The following GRAMD1A variants were observed in gnomAD, a reference collection of about 807,000 sequenced individuals.
The protein encoded by GRAMD1A is protein Aster-A.
In GRAMD1A, 50 loss-of-function variants were observed where a neutral mutation model predicts 92.0. The ratio of observed to expected loss-of-function variants is 0.54; its 90% CI spans 0.43 to 0.69. GRAMD1A has a LOEUF of 0.69. Ranked by LOEUF, GRAMD1A falls within the 30% of genes least tolerant of loss-of-function variation. GRAMD1A has a pLI of 0.00. For synonymous variants in GRAMD1A, 405 were observed against 403.6 expected (o/e 1.00, Z -0.04); for missense variants, 819 against 978.9 (o/e 0.84, Z 2.18).
At position 35,023,269 on chromosome 19, in the gene GRAMD1A, C is replaced by G. The variant is rs376474006; in HGVS notation, c.1887C>G (p.Leu629=). The stretch of plus-strand genomic sequence containing the variant: ...TCCTCATCGCCCTCAACGTCCTGCT[C>G]TTCTACCGCCTCTGGTCCCTGGAAA... ...LIILIALNVL[L]FYRLWSLERT... is the part of the protein sequence containing the mutation. The change falls in exon 18 of 20, where the codon CTC becomes CTG. Residue 629 remains leucine, a synonymous_variant. Coordinates refer to ENST00000317991, the MANE Select transcript of GRAMD1A (RefSeq NM_020895.5). 4 of 1,614,046 alleles carry G rather than the reference C, an allele frequency of 2.5e-6. No homozygotes were observed. In the African/African-American group the frequency reaches 5.3e-5, roughly 22 times the overall value.
rs1047900102 is a variant in GRAMD1A at position 35,014,458 on chromosome 19, A to G, written c.1069+71A>G. The stretch of plus-strand genomic sequence containing the variant: ...CTCGCTCAGTCTTAAGCAAGAGGGG[A>G]TGGATTCGCCCGCAGCACTGAGAAT... On this transcript the variant is annotated intron_variant, in intron 10 of 19. Coordinates refer to ENST00000317991, the MANE Select transcript of GRAMD1A (RefSeq NM_020895.5). 1.5e-5 allele frequency: 20 copies of G among 1,347,970 alleles called. 1 individual carries two copies. The highest frequency in any genetic ancestry group is 1.9e-4 in the Middle Eastern group (1 of 5,362). 83.5% of individuals were successfully genotyped at this position (1,347,970 alleles called of 1,614,324 possible).
intron 13 of GRAMD1A, among the ~76,000 whole-genome samples, chr19:35,019,874 G>A (rs1250316788): frequency 6.6e-6 from 1 of 152,172 alleles, no homozygotes; most frequent in East Asian, 1.9e-4. Flanking sequence ...TAGGCCTATG[G>A]AGAAAAATGA....
upstream of GRAMD1A, chr19:34,996,221 G>A (rs67018685): frequency 0.19 from 293,783 of 1,535,164 alleles, 29,482 homozygotes; most frequent in Middle Eastern, 0.28. Context: ...GGAGTCCCCC[G>A]CCTGCACCCC....
In GRAMD1A at chr19:35,021,994, C is replaced by A. The variant is rs372673758; in HGVS notation, c.1797C>A (p.Gly599=). Residue 599 remains glycine (G), a synonymous_variant, in exon 16 of 20, where the codon GGC becomes GGA. Transcript: ENST00000317991. This position sits in a 1 kb window ranked among gnomAD's most constrained non-coding sequence, Gnocchi z 5.3. The stretch of plus-strand genomic sequence containing the variant: ...TCTCCGAACCATCTGTGGACCAGGG[C>A]CCCGGGGCAGGCATCCCCAGTGCCC... ...SRFSEPSVDQ[G]PGAGIPSALV... The A allele has an allele frequency of 1.9e-6, 3 of 1,614,058 alleles. No homozygotes were observed. The highest frequency in any genetic ancestry group is 1.7e-6 in the Non-Finnish European group (2 of 1,179,942).
chr19:35,005,552 T>C (rs566081772), intron 1 of GRAMD1A, among the ~76,000 whole-genome samples: 8 of 151,918 alleles, frequency 5.3e-5, no homozygotes, highest in African/African-American at 1.9e-4. Flanking sequence ...CCACTACAGG[T>C]ATGGGCAGGG....
chr19:35,020,956 C>T (rs761606038), intron 13 of GRAMD1A, among the ~76,000 whole-genome samples: 2 of 152,166 alleles, frequency 1.3e-5, no homozygotes, highest in Non-Finnish European at 1.5e-5. Flanking sequence ...AGAGATTTTG[C>T]AGGTTTAGCT....
Position 35,013,679 on chromosome 19 carries a change from C to T in GRAMD1A, c.858C>T (p.Asp286=), listed in dbSNP as rs149214732. Residue 286 remains aspartate, a synonymous_variant, in exon 9 of 20, where the codon GAC becomes GAT. Coordinates refer to ENST00000317991, the MANE Select transcript of GRAMD1A (RefSeq NM_020895.5). This position sits in a 1 kb window ranked among gnomAD's most constrained non-coding sequence, Gnocchi z 4.9. The part of the protein sequence containing the change: ...VTPNLSRASS[D]ADHGAEEDKE... ...CCAACCTTTCCCGAGCCAGCAGCGA[C>T]GCAGACCATGGGGTGAGCGGTGGGT... The T allele has an allele frequency of 5.1e-4, 822 of 1,610,474 alleles. 11 individuals are homozygous for T. In the African/African-American group the frequency reaches 9.2e-3, roughly 18 times the overall value.
upstream of GRAMD1A, among the ~76,000 whole-genome samples, chr19:34,995,577 T>TTTTTTTTG (rs1568309941): frequency 1.7e-5 from 2 of 118,904 alleles, no homozygotes; most frequent in Non-Finnish European, 3.4e-5. Flanking sequence ...ACGGGTTTTT[T>TTTTTTTTG]TTTTTTTTTT....
rs144646957 is a variant in GRAMD1A at position 35,016,529 on chromosome 19, G to A, written c.1213+562G>A. Among the ~76,000 whole-genome samples the A allele has an allele frequency of 6.2e-3, 911 of 146,566 alleles. 11 individuals are homozygous for A. The highest frequency in any genetic ancestry group is 0.022 in the African/African-American group (860 of 39,454). On this transcript the variant is annotated intron_variant, in intron 11 of 19. Transcript: ENST00000317991. ...GGAGAATTGCTTGAACCTCGGAGGCGGAGGTTGCAGTGAGCTGAGATCACA... is the reference window on the plus strand; with the variant it reads ...GGAGAATTGCTTGAACCTCGGAGGCAGAGGTTGCAGTGAGCTGAGATCACA...
upstream of GRAMD1A, chr19:34,999,935 C>T: frequency 2.1e-6 from 2 of 966,724 alleles, no homozygotes; most frequent in South Asian, 9.5e-5. Context: ...ACATACACCT[C>T]GGTTTCCCAG....
At chr19:35,023,387 GGGGAGGCCAAGGC>G (rs1350554175) in intron 18 of GRAMD1A, 27 bp from the exon 19 acceptor site, 4 of 1,613,300 alleles carry the variant, frequency 2.5e-6, no homozygotes, top group Non-Finnish European at 3.4e-6. Context: ...GGGCACATCG[GGGGAGGCCAAGGC>G]CCTGCTCAGG....
chr19:34,997,942 C>A (rs549682245), upstream of GRAMD1A, among the ~76,000 whole-genome samples: 1 of 151,944 alleles, frequency 6.6e-6, no homozygotes, highest in Non-Finnish European at 1.5e-5. Flanking sequence ...GTGGCGCATG[C>A]CTGTAATCCC....
chr19:35,015,551 A>C, intron 10 of GRAMD1A: 1 of 369,750 alleles, frequency 2.7e-6, no homozygotes. Flanking sequence ...GAGGCGTGCT[A>C]TCTGGTAATG....
rs2015136521 is a variant in GRAMD1A, at chr19:35,010,322, G to A, written c.468G>A (p.Lys156=). 3 of 1,613,880 alleles carry A rather than the reference G, an allele frequency of 1.9e-6. No homozygotes were observed. Among genetic ancestry groups the A allele is most frequent in the Non-Finnish European group, 2.5e-6 (3 of 1,179,822 alleles). ...IQLKEVTCLK[K]EKTAKLIPNA... ...TGAAGGAAGTGACATGTCTGAAGAA[G>A]GAAAAGACGGCCAAGCTGATCCCCA... is the stretch of plus-strand genomic sequence containing the variant. The change falls in exon 6 of 20, where the codon AAG becomes AAA. Residue 156 remains lysine (K), a synonymous_variant. Coordinates refer to ENST00000317991, the MANE Select transcript of GRAMD1A (RefSeq NM_020895.5).
chr19:35,019,585 C>T (rs751778623), intron 13 of GRAMD1A, 52 bp downstream of exon 13: 1 of 1,555,886 alleles, frequency 6.4e-7, no homozygotes. Context: ...CCCAGGGCCT[C>T]CTGTCCACTC....
chr19:35,023,383 A>G (rs2016213767), intron 18 of GRAMD1A, 40 bp downstream of exon 18: 4 of 1,613,226 alleles, frequency 2.5e-6, no homozygotes, highest in Admixed American at 1.7e-5. Flanking sequence ...GCTTGGGCAC[A>G]TCGGGGGAGG....
upstream of GRAMD1A, chr19:35,000,251 C>T (rs953731287): frequency 5.1e-5 from 52 of 1,024,898 alleles, no homozygotes; most frequent in Non-Finnish European, 6.1e-5. The surrounding 1 kb of genome is among the most constrained non-coding windows in gnomAD (Gnocchi z 4.9). Flanking sequence ...CTGGGGGCGG[C>T]GCCGTGACGC....
chr19:35,005,602 C>T (rs2151704810), intron 1 of GRAMD1A, among the ~76,000 whole-genome samples: 1 of 152,198 alleles, frequency 6.6e-6, no homozygotes, highest in Non-Finnish European at 1.5e-5. Context: ...GCTGGGATGG[C>T]CCAGGGGAAA....
In GRAMD1A at chr19:35,010,288, C is replaced by G. The variant is rs1170181204; in HGVS notation, c.434C>G (p.Ser145Cys). The change falls in exon 6 of 20, where the codon TCC becomes TGC. Residue 145 changes from serine (S) to cysteine (C), a missense_variant. Physicochemically the swap from Ser to Cys is moderately radical, Grantham distance 112. Coordinates refer to ENST00000317991, the MANE Select transcript of GRAMD1A (RefSeq NM_020895.5). The part of the protein sequence containing the change: ...SNIFRWETTI[S>C]IQLKEVTCLK... ...TGACCCTCCTGCTGTCCTCAGATCTCCATCCAGCTGAAGGAAGTGACATGT... is the reference window on the plus strand; with the variant it reads ...TGACCCTCCTGCTGTCCTCAGATCTGCATCCAGCTGAAGGAAGTGACATGT... The G allele has an allele frequency of 6.2e-7, 1 of 1,612,590 alleles. No homozygotes were observed. The highest frequency in any genetic ancestry group is 1.3e-5 in the African/African-American group (1 of 75,052).
Sources: gnomAD v4.1 joint callset for allele counts (sites outside exome capture counted in the v4.1 genomes callset) on GRCh38, gnomAD v4.1.1 for gene constraint, Gnocchi (gnomAD v3.1) non-coding constraint, MANE v1.5 for transcripts, NCBI Gene and HGNC (gene_info 2026-07-23, HGNC 2026-07-21) for gene names.